Variants in MAGI1 observed in about 807,000 individuals in gnomAD.
MAGI1 encodes the protein membrane-associated guanylate kinase, WW and PDZ domain-containing protein 1.
Under a neutral mutation model 139.9 loss-of-function variants are expected in MAGI1, and 58 were observed. The ratio of observed to expected loss-of-function variants is 0.41; its 90% CI spans 0.34 to 0.52. MAGI1 has a LOEUF of 0.52. Ranked by LOEUF, MAGI1 falls within the 20% of genes least tolerant of loss-of-function variation. The probability of loss-of-function intolerance (pLI) is 0.12; values close to 1 mark genes in which losing one functional copy is unlikely to be tolerated. For synonymous variants in MAGI1, 812 were observed against 737.9 expected (o/e 1.10, Z -1.63); for missense variants, 1,874 against 1,901.6 (o/e 0.99, Z 0.27).
intron 1 of MAGI1, among the ~76,000 whole-genome samples, chr3:65,787,245 G>C (rs142341755): frequency 3.9e-5 from 6 of 152,162 alleles, no homozygotes; most frequent in African/African-American, 1.4e-4. Flanking sequence ...ATGGGTGAAG[G>C]ATGAGCTTTT....
intron 1 of MAGI1, among the ~76,000 whole-genome samples, chr3:65,947,496 A>G (rs1431641397): frequency 6.6e-6 from 1 of 152,222 alleles, no homozygotes; most frequent in African/African-American, 2.4e-5. Flanking sequence ...AAATCATCAA[A>G]TGAATACACT....
chr3:65,403,329 G>A (rs1263753666), intron 12 of MAGI1, among the ~76,000 whole-genome samples: 1 of 152,090 alleles, frequency 6.6e-6, no homozygotes, highest in African/African-American at 2.4e-5. Context: ...CATCTGCTAA[G>A]CATATTAAAA....
intron 1 of MAGI1, among the ~76,000 whole-genome samples, chr3:65,712,565 T>G (rs1484933927): frequency 1.3e-4 from 20 of 151,992 alleles, no homozygotes; most frequent in African/African-American, 4.3e-4. Context: ...CAGGTTGGAG[T>G]GCAGCAGCGT....
intron 2 of MAGI1, among the ~76,000 whole-genome samples, chr3:65,499,751 A>C (rs143776589): frequency 5.6e-4 from 85 of 152,326 alleles, no homozygotes; most frequent in Non-Finnish European, 1.1e-3. Flanking sequence ...GAAAAACAGA[A>C]TATGGCTTGT....
intron 2 of MAGI1, among the ~76,000 whole-genome samples, chr3:65,526,089 A>C (rs1465212767): frequency 6.6e-6 from 1 of 152,208 alleles, no homozygotes; most frequent in African/African-American, 2.4e-5. Flanking sequence ...TTCTATCATA[A>C]TCTACATCAC....
At chr3:65,566,989 G>A (rs148013835) in intron 2 of MAGI1, among the ~76,000 whole-genome samples, 132 of 151,952 alleles carry the variant, frequency 8.7e-4, no homozygotes, top group Admixed American at 1.1e-3. Flanking sequence ...CTACATTTGA[G>A]GCCATTCCTG....
At chr3:65,516,408 G>C (rs975638104) in intron 2 of MAGI1, among the ~76,000 whole-genome samples, 1 of 152,040 alleles carries the variant, frequency 6.6e-6, no homozygotes, top group East Asian at 1.9e-4. Context: ...TCGATCTCTT[G>C]ACCTTGGGAT....
chr3:66,020,758 CAG>C (rs750816229), intron 1 of MAGI1, among the ~76,000 whole-genome samples: 7 of 152,248 alleles, frequency 4.6e-5, no homozygotes, highest in African/African-American at 1.2e-4. Flanking sequence ...CGGGGTAACA[CAG>C]AGTCTCCCAC....
intron 1 of MAGI1, among the ~76,000 whole-genome samples, chr3:65,962,124 T>C (rs1056763685): frequency 9.3e-4 from 34 of 36,562 alleles, no homozygotes; most frequent in Middle Eastern, 0.032. Context: ...CTGATTGTAT[T>C]TTTTTTTTTT....
chr3:65,461,682 G>A (rs1380711780), intron 5 of MAGI1, among the ~76,000 whole-genome samples: 1 of 151,610 alleles, frequency 6.6e-6, no homozygotes, highest in Non-Finnish European at 1.5e-5. Context: ...TACAGATGGG[G>A]TTTCACCGTA....
chr3:65,694,026 C>T (rs2088921513), intron 1 of MAGI1, among the ~76,000 whole-genome samples: 1 of 152,016 alleles, frequency 6.6e-6, no homozygotes, highest in African/African-American at 2.4e-5. Context: ...CAGCCCAGAA[C>T]ACTTTCTTAA....
At chr3:65,756,315 T>G (rs1049272471) in intron 1 of MAGI1, among the ~76,000 whole-genome samples, 1 of 152,156 alleles carries the variant, frequency 6.6e-6, no homozygotes, top group African/African-American at 2.4e-5. Flanking sequence ...TGGTGGTGCA[T>G]GTCGGTGTGG....
intron 1 of MAGI1, among the ~76,000 whole-genome samples, chr3:65,809,802 C>A (rs1415112716): frequency 3.9e-5 from 6 of 152,176 alleles, no homozygotes; most frequent in African/African-American, 1.4e-4. Flanking sequence ...TTGTCTTGCA[C>A]AGAAATTAAT....
intron 1 of MAGI1, among the ~76,000 whole-genome samples, chr3:65,676,245 G>T (rs1357490064): frequency 6.6e-6 from 1 of 152,072 alleles, no homozygotes; most frequent in African/African-American, 2.4e-5. Context: ...ACTCACACAT[G>T]ACAATGATGA....
chr3:65,808,343 A>C (rs1044519448), intron 1 of MAGI1, among the ~76,000 whole-genome samples: 4 of 151,934 alleles, frequency 2.6e-5, no homozygotes, highest in African/African-American at 9.7e-5. Flanking sequence ...TCTATTAAAA[A>C]ATACAAAAAG....
intron 1 of MAGI1, among the ~76,000 whole-genome samples, chr3:65,876,514 A>G (rs1383047865): frequency 1.3e-5 from 2 of 152,202 alleles, no homozygotes; most frequent in East Asian, 1.9e-4. Flanking sequence ...CAGGGATAAC[A>G]GAAAATAACA....
At chr3:65,806,723 G>C (rs1575567486) in intron 1 of MAGI1, among the ~76,000 whole-genome samples, 1 of 152,274 alleles carries the variant, frequency 6.6e-6, no homozygotes, top group Non-Finnish European at 1.5e-5. Flanking sequence ...ACACCAATCA[G>C]TGATGTCATC....
intron 2 of MAGI1, among the ~76,000 whole-genome samples, chr3:65,501,675 C>A (rs1017846131): frequency 7.2e-5 from 11 of 152,000 alleles, no homozygotes; most frequent in African/African-American, 2.7e-4. Context: ...ACATAAATTT[C>A]TCATATGACC....
intron 2 of MAGI1, among the ~76,000 whole-genome samples, chr3:65,550,848 G>A (rs1280767045): frequency 6.6e-6 from 1 of 152,000 alleles, no homozygotes; most frequent in Admixed American, 6.6e-5. Context: ...GCATGCACCT[G>A]TAGTCCCAGC....
Sources: gnomAD v4.1 joint callset for allele counts (sites outside exome capture counted in the v4.1 genomes callset) on GRCh38, gnomAD v4.1.1 for gene constraint, MANE v1.5 for transcripts, NCBI Gene and HGNC (gene_info 2026-07-23, HGNC 2026-07-21) for gene names.